The following PTPRB variants were observed in gnomAD, a reference collection of about 807,000 sequenced individuals.
The protein encoded by PTPRB is receptor-type tyrosine-protein phosphatase beta.
Under a neutral mutation model 238.1 loss-of-function variants are expected in PTPRB, and 97 were observed. The ratio of observed to expected loss-of-function variants is 0.41; its 90% CI spans 0.35 to 0.48. The LOEUF is 0.48. PTPRB is among the 20% of genes least tolerant of loss of function. The pLI, the probability that PTPRB is intolerant of heterozygous loss-of-function variation, is 0.30. For missense variants in PTPRB, 2,292 were observed against 2,681.9 expected (o/e 0.85, Z 3.21); for synonymous variants, 970 against 995.4 (o/e 0.97, Z 0.48).
At position 70,540,887 on chromosome 12, in the gene PTPRB, A is replaced by C. The variant is rs776824669; in HGVS notation, c.5565T>G (p.Val1855=). 4.4e-6 allele frequency: 7 copies of C among 1,605,332 alleles called. No individual in the cohort carries two copies. In the South Asian group the frequency reaches 7.9e-5, roughly 18 times the overall value. ...LFLIGMLVAV[V]ALLICRQKVS... is the part of the protein sequence containing the mutation. ...CTTTCTGTCTGCAGATCAATAAGGC[A>C]ACAACAGCCACTAGCATGCCAATTA... The change falls in exon 23 of 34, where the codon GTT becomes GTG. Residue 1855 remains valine (V), a synonymous_variant. Coordinates refer to ENST00000334414, the MANE Select transcript of PTPRB (RefSeq NM_001109754.4).
chr12:70,575,441 C>T (rs1443581368), intron 11 of PTPRB, among the ~76,000 whole-genome samples: 19 of 152,208 alleles, frequency 1.2e-4, no homozygotes. Flanking sequence ...CCAGCAACCT[C>T]ATAAACAATT....
intron 32 of PTPRB, among the ~76,000 whole-genome samples, chr12:70,527,449 C>T (rs1872593072): frequency 1.3e-5 from 2 of 152,212 alleles, no homozygotes; most frequent in Admixed American, 1.3e-4. Flanking sequence ...ACCCCTCGAA[C>T]AATGCCCCAA....
intron 32 of PTPRB, among the ~76,000 whole-genome samples, chr12:70,526,985 A>C (rs1210400754): frequency 6.6e-6 from 1 of 152,226 alleles, no homozygotes; most frequent in Non-Finnish European, 1.5e-5. Flanking sequence ...TAAAACGGTG[A>C]GATTGTTAAT....
At chr12:70,596,402 A>G in intron 4 of PTPRB, 75 bp from the exon 5 acceptor site, 7 of 1,284,924 alleles carry the variant, frequency 5.4e-6, no homozygotes, top group Non-Finnish European at 6.9e-6. Flanking sequence ...TGGCTTGAAG[A>G]CTTTTGCAAA....
In PTPRB at chr12:70,571,092, A is replaced by G. The variant is rs1879984710; in HGVS notation, c.3304T>C (p.Tyr1102His). ...RFTSLTPGRQ[Y>H]KILVLTISGD... ...CTAATCGTCAAGACAAGAATTTTGT[A>G]TTGGCGGCCTGGTGTTAGGGAAGTA... Residue 1102 changes from tyrosine (Y) to histidine (H), a missense_variant, in exon 13 of 34, where the codon TAC becomes CAC. Coordinates refer to ENST00000334414, the MANE Select transcript of PTPRB (RefSeq NM_001109754.4). 3 of 1,613,944 alleles carry G rather than the reference A, an allele frequency of 1.9e-6. No individual in the cohort carries two copies. The highest frequency in any genetic ancestry group is 1.7e-5 in the Admixed American group (1 of 60,028).
chr12:70,564,890 A>ATAACAATAAATAG (rs201356644), intron 15 of PTPRB, among the ~76,000 whole-genome samples: 4 of 147,714 alleles, frequency 2.7e-5, no homozygotes, highest in African/African-American at 7.5e-5. Flanking sequence ...AATAATAATA[A>ATAACAATAAATAG]ATAGATAGAT....
At chr12:70,602,961 T>A (rs1182023310) in intron 4 of PTPRB, among the ~76,000 whole-genome samples, 1 of 152,128 alleles carries the variant, frequency 6.6e-6, no homozygotes, top group African/African-American at 2.4e-5. Flanking sequence ...GTCAGAAAAA[T>A]CTAATATTAT....
At chr12:70,637,288 C>A in intron 1 of PTPRB, 53 bp downstream of exon 1, 6 of 1,515,660 alleles carry the variant, frequency 4.0e-6, no homozygotes, top group Non-Finnish European at 5.4e-6. Flanking sequence ...ACCAGGGACT[C>A]CTTGGCTAGA....
At chr12:70,532,216 C>G in intron 31 of PTPRB, 46 bp from the exon 32 acceptor site, 1 of 1,526,818 alleles carries the variant, frequency 6.5e-7, no homozygotes, top group Non-Finnish European at 8.8e-7. Flanking sequence ...ATTAAATTTG[C>G]CTTTCAAGAT....
intron 15 of PTPRB, among the ~76,000 whole-genome samples, chr12:70,564,437 T>C (rs1412586750): frequency 1.3e-5 from 2 of 151,130 alleles, no homozygotes; most frequent in Admixed American, 6.6e-5. Context: ...GATAATTGCT[T>C]GAACCCAGGA....
chr12:70,581,377 A>C, intron 9 of PTPRB, 75 bp from the exon 10 acceptor site: 1 of 1,429,122 alleles, frequency 7.0e-7, no homozygotes, highest in Non-Finnish European at 9.4e-7. Context: ...TGAGTCAAAA[A>C]ATGGAGACAG....
chr12:70,547,518 CTTCCTT>C (rs1876173198), intron 21 of PTPRB, among the ~76,000 whole-genome samples: 4 of 125,570 alleles, frequency 3.2e-5, no homozygotes, highest in Non-Finnish European at 6.4e-5. Context: ...CTTTTCTTTC[CTTCCTT>C]TTTTTTTTTT....
intron 4 of PTPRB, among the ~76,000 whole-genome samples, chr12:70,596,680 C>T (rs1192729782): frequency 6.6e-6 from 1 of 152,116 alleles, no homozygotes; most frequent in Non-Finnish European, 1.5e-5. Context: ...GACAAACATC[C>T]AGGTTATGCC....
At chr12:70,567,461 G>A (rs1183050116) in intron 14 of PTPRB, among the ~76,000 whole-genome samples, 1 of 152,110 alleles carries the variant, frequency 6.6e-6, no homozygotes, top group South Asian at 2.1e-4. Context: ...CTATCTCTTG[G>A]TTCAAGTCAG....
At chr12:70,596,693 G>T in intron 4 of PTPRB, among the ~76,000 whole-genome samples, 1 of 152,080 alleles carries the variant, frequency 6.6e-6, no homozygotes, top group Non-Finnish European at 1.5e-5. Context: ...GTTATGCCTG[G>T]ATAAATACTG....
Position 70,569,953 on chromosome 12 carries a change from A to G in PTPRB, c.3371-15T>C, listed in dbSNP as rs1879823757. On this transcript the variant is annotated splice_polypyrimidine_tract_variant and intron_variant, in intron 13 of 33. Coordinates refer to ENST00000334414, the MANE Select transcript of PTPRB (RefSeq NM_001109754.4). ...AGCACTAGGAACTAAAACAGAAAAT[A>G]AATTTAAAAGTCATCACTTAGAGAA... is the stretch of plus-strand genomic sequence containing the variant. 1 of 1,590,562 alleles carries G rather than the reference A, an allele frequency of 6.3e-7. No homozygotes were observed. Among genetic ancestry groups the G allele is most frequent in the South Asian group, 1.1e-5 (1 of 89,882 alleles).
chr12:70,626,937 T>C (rs1885231778), intron 2 of PTPRB, among the ~76,000 whole-genome samples: 1 of 152,068 alleles, frequency 6.6e-6, no homozygotes, highest in Non-Finnish European at 1.5e-5. Flanking sequence ...CTAAATTACT[T>C]TTAAAAGACC....
In PTPRB at chr12:70,515,927, AGAT is replaced by A. The variant is rs1871173271; in HGVS notation, c.*5559_*5561del. 1 of 84,404 alleles carries A rather than the reference AGAT, an allele frequency of 1.2e-5. No homozygotes were observed. The highest frequency in any genetic ancestry group is 5.4e-5 in the African/African-American group (1 of 18,460). The allele number at this position is 84,404 out of a possible 1,614,324, so 5.2% of individuals were successfully genotyped here. A position where few individuals can be genotyped will look rare whatever the true frequency, so the allele number is the denominator to read the frequency against. On this transcript the variant is annotated 3_prime_UTR_variant, in exon 34 of 34. Coordinates refer to ENST00000334414, the MANE Select transcript of PTPRB (RefSeq NM_001109754.4). ...TGAGAATGTATGCAAGATGCTATAT[AGAT>A]TTTTTTTTTACCACAGTTACAAATA... is the stretch of plus-strand genomic sequence containing the variant.
chr12:70,547,103 C>T (rs1384921740), intron 21 of PTPRB, among the ~76,000 whole-genome samples: 1 of 151,776 alleles, frequency 6.6e-6, no homozygotes, highest in Non-Finnish European at 1.5e-5. Flanking sequence ...GGTACTAGGC[C>T]AGGGCAAATT....
Sources: allele counts gnomAD v4.1 joint callset (sites outside exome capture counted in the v4.1 genomes callset), GRCh38; gene constraint gnomAD v4.1.1; transcripts MANE v1.5; gene names NCBI Gene and HGNC (gene_info 2026-07-23, HGNC 2026-07-21).